Variants in MIER3 observed in about 807,000 individuals in gnomAD.
MIER3 encodes the protein mesoderm induction early response protein 3.
A neutral mutation model predicts 63.2 loss-of-function variants in MIER3; 9 were observed. The observed-to-expected ratio is 0.14, with a 90% CI of 0.09 to 0.25. The LOEUF is 0.25. Among genes scored for constraint, MIER3 ranks in the 10% least tolerant of loss-of-function variants. MIER3 has a pLI of 1.00. For synonymous variants in MIER3, 205 were observed against 224.9 expected, an observed-to-expected ratio of 0.91 and a Z score of 0.79; for missense variants, 512 against 666.2, an observed-to-expected ratio of 0.77 and a Z score of 2.55.
intron 7 of MIER3, among the ~76,000 whole-genome samples, chr5:56,933,810 A>C (rs1271239325): frequency 1.3e-5 from 2 of 152,184 alleles, no homozygotes; most frequent in African/African-American, 4.8e-5. Context: ...CTAGAGGTTC[A>C]AAATTGCAAA....
At chr5:56,928,679 T>C (rs936802071) in intron 10 of MIER3, 88 bp downstream of exon 10, 18 of 908,516 alleles carry the variant, frequency 2.0e-5, no homozygotes, top group Non-Finnish European at 5.1e-6. Flanking sequence ...TAGTAAGTTG[T>C]TCTTTTTTCC....
chr5:56,950,752 C>A, intron 1 of MIER3, 100 bp from the exon 2 acceptor site: 3 of 1,356,372 alleles, frequency 2.2e-6, no homozygotes, highest in East Asian at 2.4e-5. Context: ...AGCGCTCCTC[C>A]GCAGCTGCCA....
chr5:56,924,241 C>T (rs1392533393), intron 10 of MIER3, among the ~76,000 whole-genome samples, 199 bp from the exon 11 acceptor site: 1 of 151,156 alleles, frequency 6.6e-6, no homozygotes, highest in Non-Finnish European at 1.5e-5. Flanking sequence ...AGGCCATTTT[C>T]GAAAGCCCAA....
intron 3 of MIER3, among the ~76,000 whole-genome samples, chr5:56,941,754 C>T (rs1233657267): frequency 1.3e-5 from 2 of 152,126 alleles, no homozygotes; most frequent in Non-Finnish European, 2.9e-5. Context: ...TACTGAACAC[C>T]TGCATGAAGA....
At chr5:56,936,174 G>A (rs1320850335) in intron 5 of MIER3, among the ~76,000 whole-genome samples, 2 of 151,874 alleles carry the variant, frequency 1.3e-5, no homozygotes, top group Non-Finnish European at 2.9e-5. Context: ...CCAAGATCAC[G>A]CCATTGCACT....
intron 3 of MIER3, chr5:56,941,450 C>G (rs1469543203): frequency 6.6e-6 from 1 of 152,078 alleles, no homozygotes; most frequent in Non-Finnish European, 1.5e-5. Context: ...CAGGGAAAGA[C>G]AGTCAGCAAT....
chr5:56,931,901 A>T (rs550209255), intron 8 of MIER3, among the ~76,000 whole-genome samples: 17 of 152,344 alleles, frequency 1.1e-4, no homozygotes, highest in Non-Finnish European at 2.1e-4. Flanking sequence ...CAAACTAGAA[A>T]ACCTGAGAAA....
rs559901169 is a variant in MIER3, at chr5:56,923,148, C to A, written c.1633G>T (p.Ala545Ser). ...FISAHALHQH[A>S]ALHSE ...TCAGGTCACTCAGAGTGTAGGGCCG[C>A]GTGCTGATGCAGAGCATGGGCACTG... The change falls in exon 13 of 13, where the codon GCG becomes TCG. Residue 545 changes from alanine to serine, a missense_variant. Coordinates refer to ENST00000381199, the MANE Select transcript of MIER3 (RefSeq NM_001297599.2). 6.2e-7 allele frequency: 1 copy of A among 1,613,738 alleles called. No homozygotes were observed. The highest frequency in any genetic ancestry group is 1.7e-5 in the Admixed American group (1 of 59,950).
rs748613738 is a variant in MIER3 at position 56,933,260 on chromosome 5, C to G, written c.734G>C (p.Arg245Thr). The G allele has an allele frequency of 1.2e-6, 2 of 1,609,778 alleles. No individual in the cohort carries two copies. Among genetic ancestry groups the G allele is most frequent in the Non-Finnish European group, 1.7e-6 (2 of 1,178,136 alleles). The change falls in exon 8 of 13, where the codon AGG (arginine) becomes ACG (threonine). Residue 245 changes from arginine to threonine, a missense_variant. Coordinates refer to ENST00000381199, the MANE Select transcript of MIER3 (RefSeq NM_001297599.2). The stretch of plus-strand genomic sequence containing the variant: ...GCTGAAGTATACCTGTTCATTGTCC[C>G]TTGTGTGTGTTCCTGCAGAAATCCT... ...MDRISAGTHT[R>T]DNEQALYELL...
intron 9 of MIER3, among the ~76,000 whole-genome samples, chr5:56,930,341 G>GA (rs1326288026): frequency 3.3e-5 from 5 of 149,566 alleles, no homozygotes; most frequent in Admixed American, 3.3e-4. Context: ...AAAAAAAAAA[G>GA]AAAAAATCTT....
intron 3 of MIER3, among the ~76,000 whole-genome samples, chr5:56,946,139 A>G (rs1258140173): frequency 6.6e-6 from 1 of 152,348 alleles, no homozygotes; most frequent in Non-Finnish European, 1.5e-5. Context: ...GCTACTAAGC[A>G]GAGGAGATGA....
chr5:56,929,264 T>C (rs1214784359), intron 9 of MIER3: 1 of 155,030 alleles, frequency 6.5e-6, no homozygotes, highest in Non-Finnish European at 1.4e-5. Flanking sequence ...TGTTTTGGTC[T>C]TACTTCAAAA....
Position 56,922,064 on chromosome 5 carries a change from C to T in MIER3, c.*1064G>A, listed in dbSNP as rs1054051965. 1 of 152,518 alleles carries T rather than the reference C, an allele frequency of 6.6e-6. No individual in the cohort carries two copies. The highest frequency in any genetic ancestry group is 2.4e-5 in the African/African-American group (1 of 41,406). The allele number at this position is 152,518 out of a possible 1,614,324, so 9.4% of individuals were successfully genotyped here. A position where few individuals can be genotyped will look rare whatever the true frequency, so the allele number is the denominator to read the frequency against. ...ATTCTTGCCAACTGTTCAAGCTTAA[C>T]AAAAAAGCTTAAATATACTTCAAGG... On this transcript the variant is annotated 3_prime_UTR_variant, in exon 13 of 13. Coordinates refer to ENST00000381199, the MANE Select transcript of MIER3 (RefSeq NM_001297599.2).
At chr5:56,937,898 TAATC>T (rs1369552814) in intron 4 of MIER3, among the ~76,000 whole-genome samples, 200 bp from the exon 5 acceptor site, 2 of 151,222 alleles carry the variant, frequency 1.3e-5, no homozygotes, top group East Asian at 1.9e-4. Flanking sequence ...TATTAAATGA[TAATC>T]AGTGCAACCA....
At position 56,950,815 on chromosome 5, in the gene MIER3, C is replaced by T. The variant is rs548870136; in HGVS notation, c.10-163G>A. On this transcript the variant is annotated intron_variant, in intron 1 of 12. Transcript: ENST00000381199. ...TCGCTCCCGGCCCCTTTCGGGCCCC[C>T]TCTTGGCTGCCTCGCCTTCCTCCCC... Among the ~76,000 whole-genome samples, 37 of 152,294 alleles carry T rather than the reference C, an allele frequency of 2.4e-4. 2 individuals carry two copies. The highest frequency in any genetic ancestry group is 4.1e-4 in the Non-Finnish European group (28 of 68,016).
At chr5:56,933,450 A>T in intron 7 of MIER3, 52 bp from the exon 8 acceptor site, 1 of 1,506,592 alleles carries the variant, frequency 6.6e-7, no homozygotes, top group Non-Finnish European at 8.9e-7. Context: ...GCACTCAAAG[A>T]TGTACACAAA....
rs1750491219 is a variant in MIER3 at position 56,937,574 on chromosome 5, T to C, written c.436+4A>G. On this transcript the variant is annotated splice_donor_region_variant and intron_variant, in intron 5 of 12. Transcript: ENST00000381199. ...ATTTATCAGTAATCCACTGGGTTTC[T>C]TACATCGTAAAGGCCTAGGGAAGAA... 1.3e-6 allele frequency: 2 copies of C among 1,596,758 alleles called. No homozygotes were observed. Among genetic ancestry groups the C allele is most frequent in the Middle Eastern group, 1.7e-4 (1 of 6,002 alleles).
At chr5:56,928,552 A>C (rs1750115067) in intron 10 of MIER3, 1 of 361,232 alleles carries the variant, frequency 2.8e-6, no homozygotes, top group Non-Finnish European at 5.0e-6. Context: ...TTTCTGTGTC[A>C]ACTGTTTATG....
chr5:56,925,478 T>C, intron 10 of MIER3: 1 of 286,888 alleles, frequency 3.5e-6, no homozygotes, highest in South Asian at 3.2e-5. Context: ...ACGATTGAAA[T>C]TTGAAATTTA....
Sources: gnomAD v4.1 joint callset for allele counts (sites outside exome capture counted in the v4.1 genomes callset) on GRCh38, gnomAD v4.1.1 for gene constraint, MANE v1.5 for transcripts, NCBI Gene and HGNC (gene_info 2026-07-23, HGNC 2026-07-21) for gene names.